Variants in PDE7A observed in about 807,000 individuals in gnomAD.
PDE7A encodes the protein high affinity 3',5'-cyclic-AMP phosphodiesterase 7A.
A neutral mutation model predicts 64.3 loss-of-function variants in PDE7A; 39 were observed. The ratio of observed to expected loss-of-function variants is 0.61; its 90% CI spans 0.47 to 0.79. The LOEUF is 0.79. PDE7A is among the 30% of genes least tolerant of loss of function. The probability of loss-of-function intolerance (pLI) is 0.00; values close to 1 mark genes in which losing one functional copy is unlikely to be tolerated. For synonymous variants in PDE7A, 203 were observed against 206.8 expected, an observed-to-expected ratio of 0.98 and a Z score of 0.16; for missense variants, 470 against 582.8, an observed-to-expected ratio of 0.81 and a Z score of 1.99.
chr8:65,778,792 C>G (rs1485345670), intron 3 of PDE7A, among the ~76,000 whole-genome samples: 1 of 152,172 alleles, frequency 6.6e-6, no homozygotes, highest in African/African-American at 2.4e-5. Context: ...TGGCAAGAAA[C>G]ATGAGTCACA....
At chr8:65,831,883 T>C (rs1405451714) in intron 1 of PDE7A, among the ~76,000 whole-genome samples, 1 of 152,210 alleles carries the variant, frequency 6.6e-6, no homozygotes, top group African/African-American at 2.4e-5. Context: ...GAGATTCATG[T>C]TAATACAAGA....
intron 3 of PDE7A, among the ~76,000 whole-genome samples, chr8:65,766,439 C>A (rs375271721): frequency 6.6e-6 from 1 of 152,172 alleles, no homozygotes; most frequent in South Asian, 2.1e-4. Flanking sequence ...AAACAAGGAG[C>A]CTCCTGGTTA....
At chr8:65,793,951 C>T (rs915247799) in intron 1 of PDE7A, among the ~76,000 whole-genome samples, 2 of 152,226 alleles carry the variant, frequency 1.3e-5, no homozygotes, top group African/African-American at 4.8e-5. Context: ...AAACTAGCCT[C>T]TGTTCAGGGG....
rs59554350 is a variant in PDE7A at position 65,791,631 on chromosome 8, G to C, written c.139-8788C>G. On this transcript the variant is annotated intron_variant, in intron 1 of 12. Coordinates refer to ENST00000401827, the MANE Select transcript of PDE7A (RefSeq NM_001242318.3). ...TTGGCTCCCTAAAATGCTTCCCCCA[G>C]CATCCACTTCCTAATTTCCACTAAT... 6.8e-3 allele frequency among the ~76,000 whole-genome samples: 1,039 copies of C among 152,138 alleles called. 9 individuals are homozygous for C. The highest frequency in any genetic ancestry group is 0.024 in the African/African-American group (993 of 41,478).
At chr8:65,839,398 C>CTT (rs775525188) in intron 1 of PDE7A, among the ~76,000 whole-genome samples, 243 of 145,414 alleles carry the variant, frequency 1.7e-3, no homozygotes, top group African/African-American at 5.9e-3. Flanking sequence ...TTTCTGTCTC[C>CTT]TTTTTTTTTT....
At chr8:65,783,139 A>G (rs184044800) in intron 1 of PDE7A, among the ~76,000 whole-genome samples, 1 of 152,322 alleles carries the variant, frequency 6.6e-6, no homozygotes, top group African/African-American at 2.4e-5. Flanking sequence ...TTTTGGGGTG[A>G]CATCTGTGTT....
At chr8:65,749,327 T>C (rs1807826615) in intron 3 of PDE7A, among the ~76,000 whole-genome samples, 1 of 152,210 alleles carries the variant, frequency 6.6e-6, no homozygotes, top group South Asian at 2.1e-4. Flanking sequence ...ATTTTTAAAA[T>C]ATCTGATGAA....
chr8:65,802,538 A>G (rs1323520905), intron 1 of PDE7A, among the ~76,000 whole-genome samples: 1 of 152,202 alleles, frequency 6.6e-6, no homozygotes, highest in African/African-American at 2.4e-5. Context: ...CGGAGTCTTC[A>G]TACAAGTTAT....
At chr8:65,769,457 C>T (rs1377599291) in intron 3 of PDE7A, among the ~76,000 whole-genome samples, 1 of 152,134 alleles carries the variant, frequency 6.6e-6, no homozygotes, top group Non-Finnish European at 1.5e-5. Context: ...TACTTCTTGG[C>T]TAGAAGAATT....
chr8:65,839,300 C>T (rs1811021993), intron 1 of PDE7A, among the ~76,000 whole-genome samples: 1 of 151,240 alleles, frequency 6.6e-6, no homozygotes, highest in Non-Finnish European at 1.5e-5. Flanking sequence ...TCTGTACCTT[C>T]AGGCTTACGA....
At chr8:65,780,063 C>T (rs964805218) in intron 2 of PDE7A, among the ~76,000 whole-genome samples, 1 of 151,408 alleles carries the variant, frequency 6.6e-6, no homozygotes, top group African/African-American at 2.4e-5. Flanking sequence ...ATAAGTTAGC[C>T]TTCTGAAAGA....
At chr8:65,739,358 TA>T in intron 6 of PDE7A, 143 bp downstream of exon 6, 1 of 926,546 alleles carries the variant, frequency 1.1e-6, no homozygotes, top group African/African-American at 1.7e-5. Flanking sequence ...ATGCAAGAGC[TA>T]AATAACTGTG....
chr8:65,833,425 G>A (rs572924612), intron 1 of PDE7A, among the ~76,000 whole-genome samples: 16 of 152,180 alleles, frequency 1.1e-4, no homozygotes, highest in Non-Finnish European at 7.3e-5. Context: ...AGTCAAATGT[G>A]TTTTCCTAAT....
chr8:65,786,946 T>C lies in PDE7A; in HGVS notation c.139-4103A>G, dbSNP rs908261337. ...TCACTAACAGGAGTTCTGAGTGCCC[T>C]GGTAAGACTCACCTTGAATTAGGGT... On this transcript the variant is annotated intron_variant, in intron 1 of 12. Transcript: ENST00000401827. Among the ~76,000 whole-genome samples the C allele has an allele frequency of 1.2e-4, 19 of 152,200 alleles. 2 individuals are homozygous for C. The highest frequency in any genetic ancestry group is 1.1e-3 in the Admixed American group (17 of 15,270).
chr8:65,823,483 T>C (rs1397042465), intron 1 of PDE7A, among the ~76,000 whole-genome samples: 1 of 152,174 alleles, frequency 6.6e-6, no homozygotes, highest in Non-Finnish European at 1.5e-5. Context: ...TGGGTCTTAT[T>C]TTCTATTTTT....
intron 12 of PDE7A, chr8:65,722,051 A>T (rs968549847): frequency 1.3e-5 from 2 of 152,180 alleles, no homozygotes; most frequent in Admixed American, 1.3e-4. Flanking sequence ...TCGGCTTCCC[A>T]AAGTGCTGGG....
intron 1 of PDE7A, among the ~76,000 whole-genome samples, chr8:65,799,887 A>G (rs537565163): frequency 2.9e-4 from 44 of 152,336 alleles, no homozygotes; most frequent in Middle Eastern, 3.4e-3. Flanking sequence ...TAACTATTCA[A>G]ACTAAATAGC....
chr8:65,767,556 G>A (rs763234865), intron 3 of PDE7A, among the ~76,000 whole-genome samples: 1 of 152,038 alleles, frequency 6.6e-6, no homozygotes, highest in Non-Finnish European at 1.5e-5. Context: ...ATCTTCCCTG[G>A]CCTTTCTGAC....
intron 1 of PDE7A, among the ~76,000 whole-genome samples, chr8:65,816,175 TAAAC>T (rs1417077529): frequency 1.3e-5 from 2 of 152,164 alleles, no homozygotes; most frequent in South Asian, 4.1e-4. Flanking sequence ...AAAACCCACA[TAAAC>T]AAAAGCTCTT....
Sources: gnomAD v4.1 joint callset for allele counts (sites outside exome capture counted in the v4.1 genomes callset) on GRCh38, gnomAD v4.1.1 for gene constraint, MANE v1.5 for transcripts, NCBI Gene and HGNC (gene_info 2026-07-23, HGNC 2026-07-21) for gene names.